Variants in JAK2 observed in about 807,000 individuals in gnomAD.
The protein encoded by JAK2 is tyrosine-protein kinase JAK2.
A neutral mutation model predicts 139.3 loss-of-function variants in JAK2; 86 were observed. The ratio of observed to expected loss-of-function variants is 0.62; its 90% CI spans 0.52 to 0.74. The LOEUF (loss-of-function observed/expected upper bound fraction) is 0.74, where lower values mean the gene tolerates loss of function less well. JAK2 is among the 30% of genes least tolerant of loss of function. The pLI, the probability that JAK2 is intolerant of heterozygous loss-of-function variation, is 0.00. For synonymous variants in JAK2, 490 were observed against 437.7 expected (o/e 1.12, Z -1.49); for missense variants, 1,421 against 1,360.3 (o/e 1.04, Z -0.70).
chr9:5,035,885 G>A (rs903919881), intron 4 of JAK2, among the ~76,000 whole-genome samples: 1 of 152,166 alleles, frequency 6.6e-6, no homozygotes, highest in Non-Finnish European at 1.5e-5. Context: ...GGCCAGGGCA[G>A]TCAGGCTGGA....
chr9:5,122,247 C>T (rs1381621209), intron 22 of JAK2, among the ~76,000 whole-genome samples: 1 of 152,120 alleles, frequency 6.6e-6, no homozygotes, highest in African/African-American at 2.4e-5. Context: ...AGCAATGGAA[C>T]CATGATACTC....
At chr9:5,112,435 CAAGAG>C in intron 22 of JAK2, 1 of 517,934 alleles carries the variant, frequency 1.9e-6, no homozygotes, top group Non-Finnish European at 3.5e-6. Context: ...GCTGACCACT[CAAGAG>C]GAGAAGAAGG....
At chr9:5,042,545 C>T (rs1816667435) in intron 4 of JAK2, among the ~76,000 whole-genome samples, 1 of 152,204 alleles carries the variant, frequency 6.6e-6, no homozygotes. Context: ...CCACCCCCAC[C>T]CCTCCATTAC....
rs2130412340 is a variant in JAK2 at position 5,054,847 on chromosome 9, G to A, written c.899G>A (p.Arg300Lys). Residue 300 changes from arginine (R) to lysine (K), a missense_variant, in exon 7 of 25, where the codon AGA becomes AAA. By Grantham distance (26) the Arg-to-Lys change is conservative. Coordinates refer to ENST00000381652, the MANE Select transcript of JAK2 (RefSeq NM_004972.4). The surrounding 1 kb of genome is among the most constrained non-coding windows in gnomAD (Gnocchi z 4.9). ...ITGNGGIQWS[R>K]GKHKESETLT... is the part of the protein sequence containing the mutation. Reference sequence around the variant, plus strand: ...GGAAACGGTGGAATTCAGTGGTCAAGAGGGAAACATAAAGAAAGTGAGACA... The same window carrying A: ...GGAAACGGTGGAATTCAGTGGTCAAAAGGGAAACATAAAGAAAGTGAGACA... 2 of 1,609,618 alleles carry A rather than the reference G, an allele frequency of 1.2e-6. No individual in the cohort carries two copies.
chr9:5,049,683 A>C (rs1387129994), intron 5 of JAK2, among the ~76,000 whole-genome samples: 2 of 152,204 alleles, frequency 1.3e-5, no homozygotes, highest in African/African-American at 2.4e-5. Flanking sequence ...TTATACAGTC[A>C]TGTGTCACTT....
At chr9:5,089,988 A>C in intron 20 of JAK2, 125 bp downstream of exon 20, 1 of 506,116 alleles carries the variant, frequency 2.0e-6, no homozygotes. Flanking sequence ...GCATTCTATA[A>C]TGACTAGAGA....
intron 3 of JAK2, among the ~76,000 whole-genome samples, chr9:5,028,968 G>T (rs772408087): frequency 6.6e-6 from 1 of 152,142 alleles, no homozygotes; most frequent in East Asian, 1.9e-4. Context: ...TACTGCAGTC[G>T]CATTTTTAAT....
chr9:5,069,670 C>T (rs1818813746), intron 11 of JAK2, among the ~76,000 whole-genome samples: 1 of 151,880 alleles, frequency 6.6e-6, no homozygotes, highest in South Asian at 2.1e-4. Context: ...AATGAAATAA[C>T]TGGCAGGAAT....
intron 3 of JAK2, among the ~76,000 whole-genome samples, chr9:5,026,661 G>C (rs1294971754): frequency 6.6e-6 from 1 of 152,140 alleles, no homozygotes; most frequent in East Asian, 1.9e-4. Context: ...TTATTCTGTG[G>C]AACTTCTAAA....
chr9:5,028,072 T>A (rs766789732), intron 3 of JAK2, among the ~76,000 whole-genome samples: 1 of 152,252 alleles, frequency 6.6e-6, no homozygotes, highest in Non-Finnish European at 1.5e-5. Flanking sequence ...TAAGTTTTTT[T>A]ATTTACTTTG....
rs1371043345 is a variant in JAK2, at chr9:5,073,579, C to T, written c.1777-119C>T. ...AAGGGACCAAAGCACATTGTATCCT[C>T]ATCTATAGTCATGCTGAAAGTAGGA... On this transcript the variant is annotated intron_variant, in intron 13 of 24. Coordinates refer to ENST00000381652, the MANE Select transcript of JAK2 (RefSeq NM_004972.4). The T allele has an allele frequency of 6.6e-6, 5 of 762,334 alleles. No individual in the cohort carries two copies. The East Asian group carries it at 1.2e-4, about 19-fold the overall frequency. 47.2% of individuals were successfully genotyped at this position (762,334 alleles called of 1,614,324 possible).
intron 3 of JAK2, among the ~76,000 whole-genome samples, chr9:5,026,988 C>T (rs1822823116): frequency 1.3e-5 from 2 of 152,164 alleles, no homozygotes; most frequent in African/African-American, 4.8e-5. Flanking sequence ...TAAGAGTATT[C>T]ATGACTTCTA....
At chr9:5,114,515 G>A (rs900251015) in intron 22 of JAK2, 50 of 468,640 alleles carry the variant, frequency 1.1e-4, no homozygotes, top group South Asian at 4.1e-4. Flanking sequence ...TGTTTGCAAC[G>A]CTAGAAGAGC....
At chr9:5,070,580 A>T (rs1177762605) in intron 12 of JAK2, among the ~76,000 whole-genome samples, 1 of 152,018 alleles carries the variant, frequency 6.6e-6, no homozygotes, top group Non-Finnish European at 1.5e-5. Context: ...ATTATTTTTT[A>T]AAATTATTTA....
At chr9:5,036,458 G>T (rs996565502) in intron 4 of JAK2, among the ~76,000 whole-genome samples, 2 of 151,810 alleles carry the variant, frequency 1.3e-5, no homozygotes, top group Non-Finnish European at 2.9e-5. Context: ...GAGGCATCAC[G>T]CTACCTGACT....
At chr9:4,993,161 C>T (rs1453861554) in intron 2 of JAK2, among the ~76,000 whole-genome samples, 1 of 152,178 alleles carries the variant, frequency 6.6e-6, no homozygotes, top group Non-Finnish European at 1.5e-5. Flanking sequence ...GCCATACCCA[C>T]AAATCTCTTT....
At chr9:4,992,897 C>T (rs562471233) in intron 2 of JAK2, among the ~76,000 whole-genome samples, 1 of 152,292 alleles carries the variant, frequency 6.6e-6, no homozygotes, top group Non-Finnish European at 1.5e-5. Flanking sequence ...TCCTGGAAGT[C>T]ATTCTTAATA....
chr9:5,116,735 TAGAAA>T (rs1823214166), intron 22 of JAK2, among the ~76,000 whole-genome samples: 6 of 152,190 alleles, frequency 3.9e-5, no homozygotes, highest in Admixed American at 2.6e-4. Context: ...TGTCCCTTAG[TAGAAA>T]GGCTGAACTA....
chr9:5,084,866 T>C (rs1378589412), intron 19 of JAK2: 9 of 391,334 alleles, frequency 2.3e-5, no homozygotes, highest in South Asian at 1.9e-4. Flanking sequence ...ATAAAACAAA[T>C]TGCCCATCAA....
Sources: allele counts gnomAD v4.1 joint callset (sites outside exome capture counted in the v4.1 genomes callset), GRCh38; gene constraint gnomAD v4.1.1; non-coding constraint Gnocchi (gnomAD v3.1); transcripts MANE v1.5; gene names NCBI Gene and HGNC (gene_info 2026-07-23, HGNC 2026-07-21).